ANKRD44: variants seen among roughly 807,000 people sequenced by gnomAD.
ANKRD44 encodes the protein serine/threonine-protein phosphatase 6 regulatory ankyrin repeat subunit B.
In ANKRD44, 35 loss-of-function variants were observed where a neutral mutation model predicts 116.0. The observed-to-expected ratio is 0.30, with a 90% CI of 0.23 to 0.40. The LOEUF (loss-of-function observed/expected upper bound fraction) is 0.40. ANKRD44 is among the 10% of genes least tolerant of loss of function. The pLI is 1.00. For synonymous variants in ANKRD44, 435 were observed against 461.8 expected (o/e 0.94, Z 0.74); for missense variants, 1,014 against 1,242.6 (o/e 0.82, Z 2.77).
chr2:197,062,772 G>T (rs369516460), intron 16 of ANKRD44, among the ~76,000 whole-genome samples: 387 of 152,354 alleles, frequency 2.5e-3, no homozygotes, highest in African/African-American at 8.8e-3. Flanking sequence ...GGCTGGGGGA[G>T]GGGCGCCTGC....
intron 16 of ANKRD44, among the ~76,000 whole-genome samples, chr2:197,077,392 T>C: frequency 6.6e-6 from 1 of 152,188 alleles, no homozygotes. Flanking sequence ...TCTTATCTCC[T>C]GTTCTAATCC....
At chr2:197,184,289 C>G (rs2080592337) in intron 2 of ANKRD44, among the ~76,000 whole-genome samples, 1 of 152,172 alleles carries the variant, frequency 6.6e-6, no homozygotes, top group Non-Finnish European at 1.5e-5. Flanking sequence ...TGGCTAAATT[C>G]TGGTCCATGG....
chr2:197,145,964 A>G (rs1251010505), intron 3 of ANKRD44, among the ~76,000 whole-genome samples: 1 of 152,224 alleles, frequency 6.6e-6, no homozygotes, highest in Non-Finnish European at 1.5e-5. Context: ...AATAATCTAC[A>G]GTGAGACATC....
intron 21 of ANKRD44, among the ~76,000 whole-genome samples, chr2:197,004,571 C>A (rs1251546797): frequency 6.6e-6 from 1 of 152,080 alleles, no homozygotes; most frequent in African/African-American, 2.4e-5. Flanking sequence ...CAAGAAGATA[C>A]CTTTTGCCTC....
chr2:197,254,252 G>T (rs2082387840), intron 1 of ANKRD44, among the ~76,000 whole-genome samples: 1 of 152,120 alleles, frequency 6.6e-6, no homozygotes, highest in Admixed American at 6.6e-5. Flanking sequence ...AATTAGCCGG[G>T]CGTGGCGGTG....
downstream of ANKRD44, among the ~76,000 whole-genome samples, chr2:196,984,551 G>A (rs979166584): frequency 2.0e-5 from 3 of 152,206 alleles, no homozygotes; most frequent in Non-Finnish European, 2.9e-5. Context: ...TGTGTTAAGT[G>A]AGGGATACTT....
intron 8 of ANKRD44, among the ~76,000 whole-genome samples, chr2:197,117,223 T>TCC: frequency 6.6e-6 from 1 of 151,910 alleles, no homozygotes; most frequent in East Asian, 1.9e-4. Flanking sequence ...CTTCCTACCT[T>TCC]CCTTCCTTCC....
chr2:197,030,748 G>A (rs2076689796), intron 16 of ANKRD44, among the ~76,000 whole-genome samples: 1 of 151,944 alleles, frequency 6.6e-6, no homozygotes, highest in African/African-American at 2.4e-5. Flanking sequence ...GCTTAAAAGA[G>A]CTAGAGTGGT....
chr2:197,265,203 G>A (rs563175401), intron 1 of ANKRD44, among the ~76,000 whole-genome samples: 139 of 142,910 alleles, frequency 9.7e-4, no homozygotes, highest in Middle Eastern at 4.0e-3. Flanking sequence ...AAATGCTAAC[G>A]TACTTCCTTA....
At chr2:197,177,372 C>T (rs1374751998) in intron 2 of ANKRD44, among the ~76,000 whole-genome samples, 1 of 152,158 alleles carries the variant, frequency 6.6e-6, no homozygotes, top group Non-Finnish European at 1.5e-5. Context: ...ACCAACACCA[C>T]TTCCTCAGGG....
At chr2:197,040,225 G>T (rs1042048277) in intron 16 of ANKRD44, among the ~76,000 whole-genome samples, 1 of 150,010 alleles carries the variant, frequency 6.7e-6, no homozygotes, top group Non-Finnish European at 1.5e-5. Flanking sequence ...GCAACAGAGC[G>T]AGGCGAGACA....
chr2:197,143,793 C>T (rs980850659), intron 3 of ANKRD44, among the ~76,000 whole-genome samples: 1 of 152,096 alleles, frequency 6.6e-6, no homozygotes, highest in African/African-American at 2.4e-5. Flanking sequence ...CCACATTCAG[C>T]TAATTTTTGT....
chr2:197,150,372 C>A (rs1056469798), intron 2 of ANKRD44, among the ~76,000 whole-genome samples: 1 of 152,010 alleles, frequency 6.6e-6, no homozygotes, highest in African/African-American at 2.4e-5. Flanking sequence ...CACGGTGAAA[C>A]CCCATTTCTA....
intron 1 of ANKRD44, among the ~76,000 whole-genome samples, chr2:197,194,514 G>C (rs1043007597): frequency 1.3e-5 from 2 of 152,154 alleles, no homozygotes; most frequent in African/African-American, 4.8e-5. Flanking sequence ...TAGTGACAAA[G>C]TTGAGACTAG....
intron 1 of ANKRD44, among the ~76,000 whole-genome samples, chr2:197,283,574 A>C (rs1039893230): frequency 3.9e-5 from 6 of 152,360 alleles, no homozygotes; most frequent in African/African-American, 1.4e-4. Flanking sequence ...TCCTTATAAA[A>C]TAATTACAGC....
chr2:197,195,273 C>A (rs181025933), intron 1 of ANKRD44, among the ~76,000 whole-genome samples: 12 of 152,252 alleles, frequency 7.9e-5, no homozygotes, highest in Middle Eastern at 3.4e-3. Context: ...GAGCACTGTA[C>A]CCAGCCTTTA....
chr2:196,971,286 C>G (rs1264608812), intron 21 of ANKRD44, among the ~76,000 whole-genome samples: 2 of 152,176 alleles, frequency 1.3e-5, no homozygotes, highest in Non-Finnish European at 2.9e-5. Context: ...AGATTACAAC[C>G]ATAAACATTT....
At chr2:197,086,832 C>T (rs924996445) in intron 12 of ANKRD44, 84 bp from the exon 13 acceptor site, 85 of 1,269,640 alleles carry the variant, frequency 6.7e-5, no homozygotes, top group Non-Finnish European at 8.7e-5. Context: ...CTGCAGAGTA[C>T]AGGACCAGAT....
At chr2:197,159,535 T>A (rs899400023) in intron 2 of ANKRD44, among the ~76,000 whole-genome samples, 1 of 152,226 alleles carries the variant, frequency 6.6e-6, no homozygotes, top group South Asian at 2.1e-4. Context: ...TCTTAAGTAA[T>A]CACAAATAGT....
Sources: allele counts gnomAD v4.1 joint callset (sites outside exome capture counted in the v4.1 genomes callset), GRCh38; gene constraint gnomAD v4.1.1; transcripts MANE v1.5; gene names NCBI Gene and HGNC (gene_info 2026-07-23, HGNC 2026-07-21).